Variants in TRPM3 observed in about 807,000 individuals in gnomAD.
TRPM3 encodes long transient receptor potential channel 3.
A neutral mutation model predicts 181.2 loss-of-function variants in TRPM3; 77 were observed. That is an observed-to-expected ratio of 0.42 (90% CI 0.35 to 0.51). TRPM3 has a LOEUF of 0.51. Among genes scored for constraint, TRPM3 ranks in the 20% least tolerant of loss-of-function variants. The pLI is 0.01. For missense variants in TRPM3, 1,759 were observed against 2,196.7 expected (o/e 0.80, Z 3.98); for synonymous variants, 745 against 796.4 (o/e 0.94, Z 1.09).
At chr9:70,639,470 T>G (rs1422992196) in intron 10 of TRPM3, among the ~76,000 whole-genome samples, 1 of 152,184 alleles carries the variant, frequency 6.6e-6, no homozygotes, top group African/African-American at 2.4e-5. Flanking sequence ...CCCAAGAAGG[T>G]GCAAGGGTTC....
chr9:71,119,099 C>T (rs770237355), intron 1 of TRPM3, among the ~76,000 whole-genome samples: 1 of 152,118 alleles, frequency 6.6e-6, no homozygotes, highest in Non-Finnish European at 1.5e-5. Flanking sequence ...AGCAGCTTTG[C>T]TTTCTTTCTA....
At position 70,625,713 on chromosome 9, in the gene TRPM3, C is replaced by T. The variant is rs1163128757; in HGVS notation, c.1633-196G>A. On this transcript the variant is annotated intron_variant, in intron 12 of 25. Transcript: ENST00000677713. The surrounding 1 kb of genome is among the most constrained non-coding windows in gnomAD (Gnocchi z 4.8). ...GGTTTCCCCAGATGCTCCCCAAGCCCGCATTTCTGCCTCTGACCCAGGCCT... is the reference window on the plus strand; with the variant it reads ...GGTTTCCCCAGATGCTCCCCAAGCCTGCATTTCTGCCTCTGACCCAGGCCT... Among the ~76,000 whole-genome samples the T allele has an allele frequency of 1.3e-5, 2 of 152,126 alleles. No individual in the cohort carries two copies. The highest frequency in any genetic ancestry group is 3.9e-4 in the East Asian group (2 of 5,192).
Position 71,374,139 on chromosome 9 carries a change from G to T in TRPM3, c.183+72514C>A, listed in dbSNP as rs545975948. 1.4e-4 allele frequency among the ~76,000 whole-genome samples: 21 copies of T among 152,300 alleles called. No homozygotes were observed. In the Middle Eastern group the frequency reaches 0.01, roughly 74 times the overall value. On this transcript the variant is annotated intron_variant, in intron 1 of 24. Transcript: ENST00000357533. Reference sequence around the variant, plus strand: ...ACCTGTAATCCTCACACTTTGGAAGGCTGAGGCAGGCAGATCACCTGAGGT... The same window carrying T: ...ACCTGTAATCCTCACACTTTGGAAGTCTGAGGCAGGCAGATCACCTGAGGT...
At chr9:71,348,415 T>G (rs1165313539) in intron 1 of TRPM3, among the ~76,000 whole-genome samples, 3 of 150,744 alleles carry the variant, frequency 2.0e-5, no homozygotes, top group African/African-American at 7.3e-5. Flanking sequence ...TGTAACTCAT[T>G]TAATCTGCAA....
At chr9:70,948,436 A>ATGTTTCAAG (rs1414852501) in intron 1 of TRPM3, among the ~76,000 whole-genome samples, 1 of 152,122 alleles carries the variant, frequency 6.6e-6, no homozygotes, top group Non-Finnish European at 1.5e-5. Context: ...TTTTTACTCT[A>ATGTTTCAAG]ATTAAACATA....
At chr9:70,686,818 T>A in intron 8 of TRPM3, among the ~76,000 whole-genome samples, 1 of 93,466 alleles carries the variant, frequency 1.1e-5, no homozygotes, top group Admixed American at 1.0e-4. Flanking sequence ...TCTTTTCTTT[T>A]CTTTTTCTTT....
At chr9:70,603,635 A>G (rs551961100) in intron 19 of TRPM3, among the ~76,000 whole-genome samples, 165 bp from the exon 20 acceptor site, 1 of 152,354 alleles carries the variant, frequency 6.6e-6, no homozygotes, top group African/African-American at 2.4e-5. Context: ...TAGAAAAGAC[A>G]GTAATACTTG....
intron 1 of TRPM3, among the ~76,000 whole-genome samples, chr9:70,979,325 G>C (rs2097339264): frequency 6.6e-6 from 1 of 152,114 alleles, no homozygotes; most frequent in East Asian, 1.9e-4. Context: ...CACAGACATG[G>C]GAAAAGTGGA....
intron 1 of TRPM3, among the ~76,000 whole-genome samples, chr9:71,069,227 G>A (rs896271245): frequency 1.3e-5 from 2 of 152,248 alleles, no homozygotes; most frequent in Non-Finnish European, 2.9e-5. Flanking sequence ...TGTGTCGACA[G>A]GCTGGAGTGC....
intron 1 of TRPM3, among the ~76,000 whole-genome samples, chr9:71,136,850 G>C (rs1039960924): frequency 1.3e-5 from 2 of 152,184 alleles, no homozygotes; most frequent in Non-Finnish European, 2.9e-5. Context: ...GCACTTTGAA[G>C]ACAGGAAGTA....
chr9:71,119,138 T>C (rs2073078030), intron 1 of TRPM3, among the ~76,000 whole-genome samples: 1 of 152,200 alleles, frequency 6.6e-6, no homozygotes, highest in Non-Finnish European at 1.5e-5. Flanking sequence ...TGGTATGACT[T>C]TATTTTTTTA....
At chr9:70,667,015 T>G (rs112197203) in intron 9 of TRPM3, among the ~76,000 whole-genome samples, 2 of 152,210 alleles carry the variant, frequency 1.3e-5, no homozygotes, top group African/African-American at 4.8e-5. Context: ...TTAAAACATT[T>G]TCTTTGATTT....
At chr9:71,024,445 G>A (rs2097874811) in intron 1 of TRPM3, among the ~76,000 whole-genome samples, 1 of 152,172 alleles carries the variant, frequency 6.6e-6, no homozygotes. Context: ...TACTTAAGCA[G>A]GGATAAAAAT....
At chr9:70,962,590 G>A (rs1233272491) in intron 1 of TRPM3, among the ~76,000 whole-genome samples, 1 of 152,142 alleles carries the variant, frequency 6.6e-6, no homozygotes, top group Non-Finnish European at 1.5e-5. Context: ...GACTCCCAGT[G>A]GATGCCTGAA....
intron 1 of TRPM3, among the ~76,000 whole-genome samples, chr9:71,298,687 C>T (rs1010198106): frequency 2.0e-5 from 3 of 152,048 alleles, no homozygotes; most frequent in Admixed American, 6.6e-5. Flanking sequence ...CTGCAGGTAG[C>T]AACACAGGAG....
chr9:70,861,131 GT>G (rs2095509779), intron 3 of TRPM3, among the ~76,000 whole-genome samples: 1 of 152,044 alleles, frequency 6.6e-6, no homozygotes, highest in Non-Finnish European at 1.5e-5. Flanking sequence ...GACTGGACTT[GT>G]AAAAAACAGT....
chr9:70,754,569 C>T (rs2076730953), intron 8 of TRPM3, among the ~76,000 whole-genome samples: 3 of 152,014 alleles, frequency 2.0e-5, no homozygotes, highest in African/African-American at 7.3e-5. Flanking sequence ...AAATTGCAGG[C>T]CCAGGGAATA....
At chr9:70,984,112 T>A (rs2097395638) in intron 1 of TRPM3, among the ~76,000 whole-genome samples, 1 of 152,202 alleles carries the variant, frequency 6.6e-6, no homozygotes, top group African/African-American at 2.4e-5. Context: ...ATTTCACAGG[T>A]CCTTCACATA....
chr9:70,613,623 C>G (rs370381134), intron 18 of TRPM3, among the ~76,000 whole-genome samples: 12 of 152,206 alleles, frequency 7.9e-5, no homozygotes, highest in Non-Finnish European at 1.2e-4. Context: ...CAACTGCTGT[C>G]CAGCCCTGAG....
Sources: allele counts gnomAD v4.1 joint callset (sites outside exome capture counted in the v4.1 genomes callset), GRCh38; gene constraint gnomAD v4.1.1; non-coding constraint Gnocchi (gnomAD v3.1); transcripts MANE v1.5; gene names NCBI Gene and HGNC (gene_info 2026-07-23, HGNC 2026-07-21).